The following CCDC91 variants were observed in gnomAD, a reference collection of about 807,000 sequenced individuals.
The protein encoded by CCDC91 is coiled-coil domain-containing protein 91.
CCDC91 carries 48 observed loss-of-function variants against 63.2 expected under a neutral mutation model. That is an observed-to-expected ratio of 0.76 (90% CI 0.60 to 0.97). CCDC91 has a LOEUF of 0.97. Among genes scored for constraint, CCDC91 ranks in the 50% least tolerant of loss-of-function variants. The pLI is 0.00. For missense variants in CCDC91, 500 were observed against 494.6 expected, an observed-to-expected ratio of 1.01 and a Z score of -0.10; for synonymous variants, 167 against 165.8, an observed-to-expected ratio of 1.01 and a Z score of -0.06.
chr12:28,531,851 T>C (rs185409056), intron 12 of CCDC91, among the ~76,000 whole-genome samples: 1 of 152,240 alleles, frequency 6.6e-6, no homozygotes, highest in Non-Finnish European at 1.5e-5. Flanking sequence ...TAGTTTTTCT[T>C]AGGGAGCTTA....
chr12:28,394,296 C>T (rs1391223526), intron 8 of CCDC91, among the ~76,000 whole-genome samples: 3 of 152,076 alleles, frequency 2.0e-5, no homozygotes, highest in African/African-American at 4.8e-5. Context: ...GAAACCCCGT[C>T]TCTACTAAAA....
At chr12:28,240,752 T>C (rs1483565850) in intron 1 of CCDC91, among the ~76,000 whole-genome samples, 1 of 152,156 alleles carries the variant, frequency 6.6e-6, no homozygotes, top group Non-Finnish European at 1.5e-5. Context: ...GTGGCACAGT[T>C]TGTTTAACCA....
At chr12:28,474,327 G>A (rs902118433) in intron 11 of CCDC91, among the ~76,000 whole-genome samples, 1 of 151,978 alleles carries the variant, frequency 6.6e-6, no homozygotes, top group African/African-American at 2.4e-5. Flanking sequence ...AATTATTACT[G>A]CATCACTATA....
chr12:28,369,169 A>C (rs1280442212), intron 7 of CCDC91, among the ~76,000 whole-genome samples: 1 of 152,222 alleles, frequency 6.6e-6, no homozygotes, highest in Non-Finnish European at 1.5e-5. Context: ...CATCTGAGAC[A>C]AGGCATATCA....
chr12:28,388,639 G>A (rs1424593034), intron 7 of CCDC91, among the ~76,000 whole-genome samples: 2 of 152,126 alleles, frequency 1.3e-5, no homozygotes, highest in Non-Finnish European at 2.9e-5. Flanking sequence ...TCCCATGCTC[G>A]TGGAAGGGTA....
chr12:28,259,511 A>T, intron 3 of CCDC91, 69 bp downstream of exon 3: 3 of 972,336 alleles, frequency 3.1e-6, no homozygotes, highest in Admixed American at 2.0e-5. Context: ...CAACTCTTTG[A>T]AACCCTATTT....
chr12:28,333,328 G>A (rs1187335466), intron 6 of CCDC91, among the ~76,000 whole-genome samples: 3 of 150,782 alleles, frequency 2.0e-5, no homozygotes, highest in Non-Finnish European at 4.4e-5. Context: ...CCAGGAGGTG[G>A]AGCTTGCAGT....
At chr12:28,314,458 C>G (rs759508985) in intron 6 of CCDC91, among the ~76,000 whole-genome samples, 1 of 151,972 alleles carries the variant, frequency 6.6e-6, no homozygotes, top group Non-Finnish European at 1.5e-5. Context: ...TAGATTAGAT[C>G]AGTTGCTTGA....
intron 12 of CCDC91, among the ~76,000 whole-genome samples, chr12:28,541,826 T>C (rs1490769693): frequency 1.3e-5 from 2 of 152,238 alleles, no homozygotes; most frequent in East Asian, 3.9e-4. Flanking sequence ...AATCAATTCA[T>C]CTTATATTTG....
intron 11 of CCDC91, among the ~76,000 whole-genome samples, chr12:28,471,071 A>G (rs754648801): frequency 6.6e-6 from 1 of 152,210 alleles, no homozygotes; most frequent in Non-Finnish European, 1.5e-5. Flanking sequence ...CTATGTTACT[A>G]TCTCATGAAA....
At chr12:28,252,740 C>G (rs748790506) in intron 1 of CCDC91, among the ~76,000 whole-genome samples, 6 of 151,874 alleles carry the variant, frequency 4.0e-5, no homozygotes, top group South Asian at 4.2e-4. Context: ...ATGGTTTGGT[C>G]TCTATTTTTT....
chr12:28,311,042 A>G (rs1161599480), intron 6 of CCDC91, among the ~76,000 whole-genome samples: 2 of 152,060 alleles, frequency 1.3e-5, no homozygotes, highest in South Asian at 4.1e-4. Flanking sequence ...TAAATCTTGT[A>G]TTTTAGCAGG....
At chr12:28,328,713 G>T (rs1941234717) in intron 6 of CCDC91, among the ~76,000 whole-genome samples, 1 of 152,046 alleles carries the variant, frequency 6.6e-6, no homozygotes, top group African/African-American at 2.4e-5. Context: ...TATGAGAGAG[G>T]CATCACATTT....
chr12:28,296,221 G>A (rs1949555519), intron 3 of CCDC91, among the ~76,000 whole-genome samples: 2 of 151,546 alleles, frequency 1.3e-5, no homozygotes, highest in Admixed American at 1.3e-4. Flanking sequence ...ATAATTTTAT[G>A]TTGACTATGC....
In CCDC91 at chr12:28,259,374, CTT is replaced by C; in HGVS notation, c.44_45del (p.Phe15Ter). The C allele has an allele frequency of 6.2e-7, 1 of 1,611,034 alleles. No individual in the cohort carries two copies. Among genetic ancestry groups the C allele is most frequent in the Non-Finnish European group, 8.5e-7 (1 of 1,178,002 alleles). ...GCCTTTGTCTTGTAGGCTGCGGAGA[CTT>C]TTGATGGTGGAAGTGGTGAAACCCA... On this transcript the variant is annotated frameshift_variant, in exon 3 of 13. Coordinates refer to ENST00000536442, the MANE Select transcript of CCDC91 (RefSeq NM_018318.5). LOFTEE classifies it high-confidence loss of function.
chr12:28,525,195 T>G (rs1340107062), intron 12 of CCDC91, among the ~76,000 whole-genome samples: 1 of 152,104 alleles, frequency 6.6e-6, no homozygotes, highest in African/African-American at 2.4e-5. Flanking sequence ...GACTTTAGAT[T>G]ATCTGTTTGT....
chr12:28,306,910 A>C lies in CCDC91; in HGVS notation c.436A>C (p.Lys146Gln), dbSNP rs1938801663. The part of the protein sequence containing the change: ...QKISSLEIKL[K>Q]VSEEEKQRIK... ...AATTTCAAGTCTGGAGATTAAACTC[A>C]AAGTATCTGAAGAAGAAAAACAGAG... Residue 146 changes from lysine (K) to glutamine (Q), a missense_variant, in exon 5 of 13, where the codon AAA becomes CAA. Lys to Gln is a moderately conservative substitution (Grantham distance 53). Coordinates refer to ENST00000536442, the MANE Select transcript of CCDC91 (RefSeq NM_018318.5). 2 of 1,610,854 alleles carry C rather than the reference A, an allele frequency of 1.2e-6. No individual in the cohort carries two copies. The highest frequency in any genetic ancestry group is 8.5e-7 in the Non-Finnish European group (1 of 1,177,744).
intron 11 of CCDC91, among the ~76,000 whole-genome samples, chr12:28,482,285 CTTA>C (rs74577645): frequency 0.21 from 31,571 of 151,532 alleles, 4,289 homozygotes; most frequent in Non-Finnish European, 0.31. Flanking sequence ...TAGTTTTATT[CTTA>C]TGTTTTTCTT....
At chr12:28,280,112 A>G (rs1317323495) in intron 3 of CCDC91, among the ~76,000 whole-genome samples, 3 of 152,140 alleles carry the variant, frequency 2.0e-5, no homozygotes, top group African/African-American at 7.2e-5. Context: ...ACCTTTTAAA[A>G]AGTCAGTGTA....
Sources: gnomAD v4.1 joint callset for allele counts (sites outside exome capture counted in the v4.1 genomes callset) on GRCh38, gnomAD v4.1.1 for gene constraint, MANE v1.5 for transcripts, NCBI Gene and HGNC (gene_info 2026-07-23, HGNC 2026-07-21) for gene names.